The following KPNA1 variants were observed in gnomAD, a reference collection of about 807,000 sequenced individuals.
KPNA1 encodes the protein karyopherin subunit alpha 1, also known as importin subunit alpha-5.
KPNA1 carries 10 observed loss-of-function variants against 70.5 expected under a neutral mutation model. The observed-to-expected ratio is 0.14, with a 90% CI of 0.09 to 0.24. The LOEUF is 0.24. Among genes scored for constraint, KPNA1 ranks in the 10% least tolerant of loss-of-function variants. The pLI is 1.00. For missense variants in KPNA1, 397 were observed against 637.9 expected, an observed-to-expected ratio of 0.62 and a Z score of 4.07; for synonymous variants, 192 against 221.9, an observed-to-expected ratio of 0.87 and a Z score of 1.20.
intron 10 of KPNA1, among the ~76,000 whole-genome samples, chr3:122,438,128 C>A (rs2076013401): frequency 6.6e-6 from 1 of 152,154 alleles, no homozygotes; most frequent in Non-Finnish European, 1.5e-5. Context: ...GTGACTGGAT[C>A]ATGGGGGTGG....
At chr3:122,444,157 G>C (rs1035033105) in intron 9 of KPNA1, among the ~76,000 whole-genome samples, 1 of 142,156 alleles carries the variant, frequency 7.0e-6, no homozygotes, top group Non-Finnish European at 1.6e-5. Context: ...ATTCGCTTTT[G>C]CAAGAAGAGA....
chr3:122,491,075 T>A (rs2076693103), intron 2 of KPNA1, among the ~76,000 whole-genome samples: 1 of 152,220 alleles, frequency 6.6e-6, no homozygotes. Flanking sequence ...CTAAAATAAT[T>A]CTTCTCTGTG....
At chr3:122,431,283 A>G (rs1413808331) in intron 12 of KPNA1, among the ~76,000 whole-genome samples, 1 of 152,082 alleles carries the variant, frequency 6.6e-6, no homozygotes, top group African/African-American at 2.4e-5. Flanking sequence ...TTCCCACCTC[A>G]GCCTCCCAAG....
intron 1 of KPNA1, among the ~76,000 whole-genome samples, chr3:122,506,332 G>A (rs2076889941): frequency 6.6e-6 from 1 of 152,010 alleles, no homozygotes; most frequent in Non-Finnish European, 1.5e-5. Context: ...CTACAAGAAA[G>A]TATGACTACA....
chr3:122,501,628 A>G (rs1201745498), intron 1 of KPNA1, among the ~76,000 whole-genome samples: 1 of 152,222 alleles, frequency 6.6e-6, no homozygotes. Context: ...AAATGCACAC[A>G]TAACACTTGC....
intron 1 of KPNA1, among the ~76,000 whole-genome samples, chr3:122,510,970 G>T (rs1321994650): frequency 6.6e-6 from 1 of 152,040 alleles, no homozygotes; most frequent in East Asian, 1.9e-4. Context: ...GAGACTGAAC[G>T]GCTAAAACCA....
chr3:122,477,925 T>A (rs1237274776), intron 2 of KPNA1, among the ~76,000 whole-genome samples: 1 of 144,860 alleles, frequency 6.9e-6, no homozygotes. Context: ...GCACTTTGGG[T>A]GGTCAAGGCG....
chr3:122,498,850 G>A lies in KPNA1; in HGVS notation c.-5-2280C>T, dbSNP rs539611600. 1.0e-3 allele frequency among the ~76,000 whole-genome samples: 154 copies of A among 152,220 alleles called. 1 individual carries two copies. Among genetic ancestry groups the A allele is most frequent in the Non-Finnish European group, 1.8e-3 (123 of 68,008 alleles). ...CTGTAGATCAGTTTGGGAAATACCG[G>A]CACCTTAATGCTAAATCTTCCACTT... On this transcript the variant is annotated intron_variant, in intron 1 of 13. Transcript: ENST00000344337.
At chr3:122,507,078 T>C (rs979110766) in intron 1 of KPNA1, among the ~76,000 whole-genome samples, 1 of 152,174 alleles carries the variant, frequency 6.6e-6, no homozygotes, top group East Asian at 1.9e-4. Flanking sequence ...ATGAAAAATC[T>C]GAATGCTGGG....
intron 2 of KPNA1, among the ~76,000 whole-genome samples, chr3:122,491,246 C>A (rs191570489): frequency 2.0e-4 from 30 of 152,238 alleles, no homozygotes; most frequent in African/African-American, 7.0e-4. Flanking sequence ...GCAGTTTATA[C>A]GCACAGGCAG....
At chr3:122,468,331 G>A (rs1340660306) in intron 2 of KPNA1, among the ~76,000 whole-genome samples, 2 of 152,064 alleles carry the variant, frequency 1.3e-5, no homozygotes, top group African/African-American at 2.4e-5. Flanking sequence ...AATTCATAAC[G>A]CAGAGTACAA....
intron 12 of KPNA1, among the ~76,000 whole-genome samples, chr3:122,428,070 A>T (rs2107713278): frequency 6.6e-6 from 1 of 152,318 alleles, no homozygotes; most frequent in Admixed American, 6.5e-5. Flanking sequence ...CACCTCTCAA[A>T]CATGACACTC....
intron 5 of KPNA1, among the ~76,000 whole-genome samples, chr3:122,454,257 T>TA (rs758767251): frequency 1.3e-5 from 2 of 152,208 alleles, no homozygotes; most frequent in Non-Finnish European, 2.9e-5. Flanking sequence ...GAGAGAGTGT[T>TA]ACATATGCTG....
chr3:122,513,725 G>T (rs1020158992), intron 1 of KPNA1, among the ~76,000 whole-genome samples: 1 of 151,944 alleles, frequency 6.6e-6, no homozygotes, highest in Non-Finnish European at 1.5e-5. Flanking sequence ...TAAGAAAAAA[G>T]GGTGAAATTC....
At chr3:122,504,677 T>C (rs1429443482) in intron 1 of KPNA1, among the ~76,000 whole-genome samples, 1 of 152,194 alleles carries the variant, frequency 6.6e-6, no homozygotes, top group Non-Finnish European at 1.5e-5. Context: ...CATGTATGTG[T>C]GTATTTAGAC....
chr3:122,491,807 T>G (rs1191314500), intron 2 of KPNA1, among the ~76,000 whole-genome samples: 1 of 149,246 alleles, frequency 6.7e-6, no homozygotes, highest in African/African-American at 2.5e-5. Context: ...TCGTTAGTTA[T>G]AAGAGGTGAG....
intron 1 of KPNA1, among the ~76,000 whole-genome samples, chr3:122,508,470 G>A (rs897745247): frequency 6.6e-6 from 1 of 152,172 alleles, no homozygotes; most frequent in Non-Finnish European, 1.5e-5. Context: ...TTCACAACCA[G>A]ACAACCATCC....
At chr3:122,493,896 T>C (rs2076728541) in intron 2 of KPNA1, among the ~76,000 whole-genome samples, 1 of 152,168 alleles carries the variant, frequency 6.6e-6, no homozygotes, top group African/African-American at 2.4e-5. Context: ...CATTATAGTT[T>C]TAACTTTTAT....
At chr3:122,511,070 A>T (rs2076949663) in intron 1 of KPNA1, among the ~76,000 whole-genome samples, 1 of 152,142 alleles carries the variant, frequency 6.6e-6, no homozygotes, top group Non-Finnish European at 1.5e-5. Flanking sequence ...TTACCCAATC[A>T]CCTTGCACAC....
Sources: allele counts gnomAD v4.1 joint callset (sites outside exome capture counted in the v4.1 genomes callset), GRCh38; gene constraint gnomAD v4.1.1; transcripts MANE v1.5; gene names NCBI Gene and HGNC (gene_info 2026-07-23, HGNC 2026-07-21).